GNB1: variants seen among roughly 807,000 people sequenced by gnomAD.
The protein encoded by GNB1 is guanine nucleotide-binding protein G(I)/G(S)/G(T) subunit beta-1.
GNB1 carries 2 observed loss-of-function variants against 42.9 expected under a neutral mutation model. The observed-to-expected ratio is 0.05, with a 90% CI of 0.02 to 0.15. The LOEUF is 0.15. GNB1 is among the 10% of genes least tolerant of loss of function. The pLI, the probability that GNB1 is intolerant of heterozygous loss-of-function variation, is 1.00. For missense variants in GNB1, 193 were observed against 462.2 expected, an observed-to-expected ratio of 0.42 and a Z score of 5.34; for synonymous variants, 183 against 174.7, an observed-to-expected ratio of 1.05 and a Z score of -0.38.
At chr1:1,872,477 T>C (rs554506390) in intron 1 of GNB1, among the ~76,000 whole-genome samples, 1 of 152,236 alleles carries the variant, frequency 6.6e-6, no homozygotes, top group South Asian at 2.1e-4. Flanking sequence ...TGAGGCCGTG[T>C]GGCCAAGGCC....
At chr1:1,824,815 C>T (rs959815379) in intron 3 of GNB1, among the ~76,000 whole-genome samples, 1 of 152,090 alleles carries the variant, frequency 6.6e-6, no homozygotes, top group Non-Finnish European at 1.5e-5. Flanking sequence ...CTCAGGTGAT[C>T]CACCCGCCTT....
At chr1:1,804,603 A>G (rs1305389432) in intron 6 of GNB1, 22 bp from the exon 7 acceptor site, 1 of 1,534,426 alleles carries the variant, frequency 6.5e-7, no homozygotes, top group South Asian at 1.2e-5. Flanking sequence ...AAGACAGATG[A>G]TGCAAACAAC....
chr1:1,817,446 A>T (rs1309622737), intron 4 of GNB1, among the ~76,000 whole-genome samples: 5 of 152,220 alleles, frequency 3.3e-5, no homozygotes, highest in African/African-American at 4.8e-5. Flanking sequence ...TTGGGCATAT[A>T]TTTAATGGCA....
intron 4 of GNB1, chr1:1,817,614 C>T (rs1646874793): frequency 4.6e-6 from 2 of 430,862 alleles, no homozygotes; most frequent in Non-Finnish European, 8.5e-6. Flanking sequence ...CCCTCTGTAA[C>T]AGGTAGATGA....
rs534121471 is a variant in GNB1 at position 1,845,400 on chromosome 1, C to T, written c.-95-6162G>A. ...CATCCTAGCTAACTCAGTGAAACCCCGTCTCTACTAAAAATACAAAAAATT... is the reference window on the plus strand; with the variant it reads ...CATCCTAGCTAACTCAGTGAAACCCTGTCTCTACTAAAAATACAAAAAATT... On this transcript the variant is annotated intron_variant, in intron 1 of 11. Transcript: ENST00000378609. Among the ~76,000 whole-genome samples the T allele has an allele frequency of 2.2e-4, 34 of 152,104 alleles. No individual in the cohort carries two copies. The South Asian group carries it at 2.3e-3, about 10-fold the overall frequency.
chr1:1,872,090 C>G (rs1379776753), intron 1 of GNB1, among the ~76,000 whole-genome samples: 1 of 151,744 alleles, frequency 6.6e-6, no homozygotes, highest in African/African-American at 2.4e-5. Flanking sequence ...CAAACTCCAA[C>G]TCCTGGGCTG....
chr1:1,868,347 TG>T (rs1649057902), intron 1 of GNB1, among the ~76,000 whole-genome samples: 1 of 152,186 alleles, frequency 6.6e-6, no homozygotes, highest in Non-Finnish European at 1.5e-5. Flanking sequence ...AACTAATTTT[TG>T]TATTTTTTAG....
intron 2 of GNB1, among the ~76,000 whole-genome samples, chr1:1,836,286 A>G (rs1475056126): frequency 6.6e-6 from 1 of 151,144 alleles, no homozygotes; most frequent in Non-Finnish European, 1.5e-5. Flanking sequence ...CTGACTGCTG[A>G]GCTTCTGAGG....
At chr1:1,792,005 G>C (rs1646487091) in intron 8 of GNB1, among the ~76,000 whole-genome samples, 1 of 151,902 alleles carries the variant, frequency 6.6e-6, no homozygotes, top group South Asian at 2.1e-4. Flanking sequence ...GCGTGACTAG[G>C]GGTCTGTGCC....
At chr1:1,857,890 A>G (rs1341291987) in intron 1 of GNB1, among the ~76,000 whole-genome samples, 1 of 152,280 alleles carries the variant, frequency 6.6e-6, no homozygotes, top group South Asian at 2.1e-4. Context: ...CAGAACCACC[A>G]TAACAACATA....
chr1:1,878,567 G>C (rs536946483), intron 1 of GNB1, among the ~76,000 whole-genome samples: 70 of 152,218 alleles, frequency 4.6e-4, no homozygotes, highest in Non-Finnish European at 7.1e-4. Flanking sequence ...GCAATGCCTA[G>C]AGCCCTACAG....
chr1:1,852,401 T>C (rs1413388057), intron 1 of GNB1, among the ~76,000 whole-genome samples: 1 of 152,080 alleles, frequency 6.6e-6, no homozygotes, highest in Admixed American at 6.6e-5. Flanking sequence ...GCTAATTTTT[T>C]TTGTATTTTT....
rs552433298 is a variant in GNB1, at chr1:1,843,618, C to A, written c.-95-4380G>T. Among the ~76,000 whole-genome samples the A allele has an allele frequency of 9.2e-5, 14 of 152,222 alleles. No homozygotes were observed. The South Asian group carries it at 2.9e-3, about 32-fold the overall frequency. On this transcript the variant is annotated intron_variant, in intron 1 of 11. Transcript: ENST00000378609. ...AAAAGTGCTATCAAATCACCTTAGC[C>A]TGGATTCACATGGAGAGTTGTCTGG...
At chr1:1,851,942 C>G (rs1489869766) in intron 1 of GNB1, among the ~76,000 whole-genome samples, 1 of 151,864 alleles carries the variant, frequency 6.6e-6, no homozygotes, top group Non-Finnish European at 1.5e-5. Flanking sequence ...ACTCGGGAGG[C>G]TGAGGCAGGA....
chr1:1,823,538 T>A (rs550569505), intron 3 of GNB1, among the ~76,000 whole-genome samples: 1 of 152,222 alleles, frequency 6.6e-6, no homozygotes, highest in Non-Finnish European at 1.5e-5. Context: ...CACATTTGAT[T>A]AATTTTGGTG....
At chr1:1,855,638 G>A (rs1481087647) in intron 1 of GNB1, among the ~76,000 whole-genome samples, 2 of 151,742 alleles carry the variant, frequency 1.3e-5, no homozygotes, top group African/African-American at 4.8e-5. Context: ...CCCGGGGGGC[G>A]GAGCCTGCAG....
intron 5 of GNB1, 35 bp downstream of exon 5, chr1:1,815,721 G>C (rs752902769): frequency 1.8e-6 from 2 of 1,105,292 alleles, no homozygotes; most frequent in Non-Finnish European, 1.4e-6. Context: ...GCCCCTGAAT[G>C]TAACAAGCAG....
intron 1 of GNB1, among the ~76,000 whole-genome samples, chr1:1,864,438 G>A (rs981112073): frequency 6.6e-6 from 1 of 151,534 alleles, no homozygotes; most frequent in African/African-American, 2.4e-5. Flanking sequence ...CTAGTACACA[G>A]TAGGTAGTTA....
chr1:1,877,507 A>AT (rs1318040131), intron 1 of GNB1, among the ~76,000 whole-genome samples: 1 of 151,644 alleles, frequency 6.6e-6, no homozygotes, highest in African/African-American at 2.4e-5. Context: ...AATTTTATTT[A>AT]TTTTTTTAAA....
Sources: allele counts gnomAD v4.1 joint callset (sites outside exome capture counted in the v4.1 genomes callset), GRCh38; gene constraint gnomAD v4.1.1; transcripts MANE v1.5; gene names NCBI Gene and HGNC (gene_info 2026-07-23, HGNC 2026-07-21).